The following GRIK3 variants were observed in gnomAD, a reference collection of about 807,000 sequenced individuals.
GRIK3 encodes the protein glutamate receptor ionotropic, kainate 3.
A neutral mutation model predicts 102.5 loss-of-function variants in GRIK3; 29 were observed. That is an observed-to-expected ratio of 0.28 (90% confidence interval 0.21 to 0.39). The LOEUF is 0.39. Among genes scored for constraint, GRIK3 ranks in the 10% least tolerant of loss-of-function variants. The pLI, the probability that GRIK3 is intolerant of heterozygous loss-of-function variation, is 1.00. For synonymous variants in GRIK3, 511 were observed against 504.9 expected (o/e 1.01, Z -0.16); for missense variants, 908 against 1,252.4 (o/e 0.73, Z 4.15).
intron 1 of GRIK3, among the ~76,000 whole-genome samples, chr1:36,973,711 G>A (rs2124360090): frequency 6.6e-6 from 1 of 151,958 alleles, no homozygotes; most frequent in Admixed American, 6.6e-5. Context: ...TTACAGGCAT[G>A]AGCCACCGCG....
intron 1 of GRIK3, among the ~76,000 whole-genome samples, chr1:37,004,622 G>A (rs953075653): frequency 6.6e-6 from 1 of 152,184 alleles, no homozygotes; most frequent in Non-Finnish European, 1.5e-5. Flanking sequence ...GGGACATCAG[G>A]TCCCTCCCCA....
intron 1 of GRIK3, among the ~76,000 whole-genome samples, chr1:36,993,839 C>T (rs757335747): frequency 1.3e-5 from 2 of 152,196 alleles, no homozygotes; most frequent in Non-Finnish European, 2.9e-5. Context: ...GCCCTCTTGC[C>T]CCAATACAAC....
intron 2 of GRIK3, among the ~76,000 whole-genome samples, chr1:36,886,518 G>A (rs1641039383): frequency 6.6e-6 from 1 of 152,184 alleles, no homozygotes; most frequent in Non-Finnish European, 1.5e-5. Context: ...TACCCAAAGG[G>A]GAGTGTGATC....
chr1:36,943,272 G>A (rs954109734), intron 1 of GRIK3, among the ~76,000 whole-genome samples: 12 of 152,316 alleles, frequency 7.9e-5, no homozygotes, highest in African/African-American at 2.2e-4. Flanking sequence ...AAAGAAGCAT[G>A]TGGCTGCAAC....
intron 15 of GRIK3, 30 bp downstream of exon 15, chr1:36,804,957 C>T (rs1326593047): frequency 6.2e-7 from 1 of 1,611,622 alleles, no homozygotes; most frequent in South Asian, 1.1e-5. Context: ...CATTTCCCAT[C>T]CTGTGCAGGC....
intron 1 of GRIK3, among the ~76,000 whole-genome samples, chr1:36,997,524 G>A (rs1037292375): frequency 1.3e-5 from 2 of 152,366 alleles, no homozygotes; most frequent in Non-Finnish European, 2.9e-5. Flanking sequence ...AGGGGGGCAC[G>A]CGAGCTCTAG....
intron 1 of GRIK3, among the ~76,000 whole-genome samples, chr1:36,926,688 C>A (rs1641531620): frequency 6.6e-6 from 1 of 152,066 alleles, no homozygotes; most frequent in Non-Finnish European, 1.5e-5. Flanking sequence ...CGTGCCCGGC[C>A]CTACTCCCCA....
chr1:36,957,761 G>A (rs1313924791), intron 1 of GRIK3, among the ~76,000 whole-genome samples: 2 of 143,108 alleles, frequency 1.4e-5, no homozygotes, highest in Admixed American at 7.0e-5. Context: ...TGTCCTGTGA[G>A]CATGTGTGTC....
chr1:36,973,297 A>G (rs1054355554), intron 1 of GRIK3, among the ~76,000 whole-genome samples: 3 of 152,016 alleles, frequency 2.0e-5, no homozygotes, highest in Non-Finnish European at 4.4e-5. Context: ...AGTGCTTGCT[A>G]TATCTGCACA....
chr1:36,953,013 A>T (rs1405248829), intron 1 of GRIK3, among the ~76,000 whole-genome samples: 2 of 152,220 alleles, frequency 1.3e-5, no homozygotes, highest in African/African-American at 4.8e-5. Context: ...AGGGCTCTGC[A>T]GGCTGACCCA....
intron 1 of GRIK3, among the ~76,000 whole-genome samples, chr1:36,953,464 ATGATCAAAATT>A (rs1185890594): frequency 6.6e-6 from 1 of 152,166 alleles, no homozygotes; most frequent in African/African-American, 2.4e-5. Context: ...GGAGAGTGCC[ATGATCAAAATT>A]GTAGATCTCA....
chr1:37,014,012 G>A (rs956855302), intron 1 of GRIK3, among the ~76,000 whole-genome samples: 1 of 152,148 alleles, frequency 6.6e-6, no homozygotes, highest in African/African-American at 2.4e-5. Flanking sequence ...CCACCTCAAG[G>A]CCTCATACGC....
chr1:36,958,348 T>G (rs1209500444), intron 1 of GRIK3, among the ~76,000 whole-genome samples: 3 of 57,188 alleles, frequency 5.2e-5, no homozygotes, highest in Admixed American at 2.2e-4. Context: ...TGTGTGCTCT[T>G]TGAATCTTTG....
At chr1:36,859,729 G>A in intron 6 of GRIK3, 115 bp downstream of exon 6, 1 of 846,852 alleles carries the variant, frequency 1.2e-6, no homozygotes. Flanking sequence ...GCTGACACAT[G>A]GAAGGTCTCA....
rs1642486825 is a variant in GRIK3 at position 36,805,321 on chromosome 1, C to T, written c.2315-84G>A. ...CTCTGCCAACACCCTGGTCAGGTCA[C>T]CACCACTAGCCCTCTGGATCAGCTC... is the stretch of plus-strand genomic sequence containing the variant. On this transcript the variant is annotated intron_variant, in intron 14 of 15. Transcript: ENST00000373091. 3 of 1,390,760 alleles carry T rather than the reference C, an allele frequency of 2.2e-6. No homozygotes were observed. The East Asian group carries it at 6.9e-5, about 32-fold the overall frequency. 86.2% of individuals were successfully genotyped at this position (1,390,760 alleles called of 1,614,324 possible). A position where few individuals can be genotyped will look rare whatever the true frequency, so the allele number is the denominator to read the frequency against.
In GRIK3 at chr1:36,819,813, G is replaced by C; in HGVS notation, c.1796C>G (p.Pro599Arg). 1.9e-6 allele frequency: 3 copies of C among 1,599,470 alleles called. No individual in the cohort carries two copies. Among genetic ancestry groups the C allele is most frequent in the Non-Finnish European group, 2.6e-6 (3 of 1,170,784 alleles). The part of the protein sequence containing the change: ...YEWYDAHPCN[P>R]GSEVVENNFT... ...GTTATTTTCCACCACCTCGGAGCCA[G>C]GGTTGCAGGGGTGAGCATCGTACCA... Residue 599 changes from proline to arginine, a missense_variant, in exon 12 of 16, where the codon CCT (proline) becomes CGT (arginine). Physicochemically the swap from Pro to Arg is moderately radical, Grantham distance 103. Transcript: ENST00000373091. This position sits in a 1 kb window ranked among gnomAD's most constrained non-coding sequence, Gnocchi z 4.1.
intron 1 of GRIK3, among the ~76,000 whole-genome samples, chr1:36,918,333 C>T (rs544395554): frequency 1.3e-5 from 2 of 152,300 alleles, no homozygotes; most frequent in East Asian, 3.9e-4. Context: ...ACCTTTCTGC[C>T]CTATGTCCCT....
chr1:36,974,892 C>A (rs563364695), intron 1 of GRIK3, among the ~76,000 whole-genome samples: 7 of 151,632 alleles, frequency 4.6e-5, no homozygotes, highest in African/African-American at 1.7e-4. Context: ...ATAGGCAAAA[C>A]ACGAAAAGAC....
intron 1 of GRIK3, among the ~76,000 whole-genome samples, chr1:36,976,727 G>A (rs937708096): frequency 6.6e-6 from 1 of 152,088 alleles, no homozygotes; most frequent in African/African-American, 2.4e-5. Context: ...GGGGCTCTGA[G>A]TCATCATCTG....
Sources: gnomAD v4.1 joint callset for allele counts (sites outside exome capture counted in the v4.1 genomes callset) on GRCh38, gnomAD v4.1.1 for gene constraint, Gnocchi (gnomAD v3.1) non-coding constraint, MANE v1.5 for transcripts, NCBI Gene and HGNC (gene_info 2026-07-23, HGNC 2026-07-21) for gene names.